The following WDR43 variants were observed in gnomAD, a reference collection of about 807,000 sequenced individuals.
WDR43 encodes WD repeat-containing protein 43.
WDR43 carries 13 observed loss-of-function variants against 91.4 expected under a neutral mutation model. The ratio of observed to expected loss-of-function variants is 0.14; its 90% CI spans 0.09 to 0.23. The LOEUF is 0.23. Among genes scored for constraint, WDR43 ranks in the 10% least tolerant of loss-of-function variants. The probability of loss-of-function intolerance (pLI) is 1.00; values close to 1 mark genes in which losing one functional copy is unlikely to be tolerated. For synonymous variants in WDR43, 331 were observed against 287.9 expected (o/e 1.15, Z -1.51); for missense variants, 780 against 809.4 (o/e 0.96, Z 0.44).
In WDR43 at chr2:28,917,948, G is replaced by A. The variant is rs1355068632; in HGVS notation, c.802G>A (p.Asp268Asn). 2 of 1,586,704 alleles carry A rather than the reference G, an allele frequency of 1.3e-6. No homozygotes were observed. Among genetic ancestry groups the A allele is most frequent in the Non-Finnish European group, 1.7e-6 (2 of 1,165,554 alleles). ...TGCAGTGATGTCATTTACAGTTACCGATGAACCTGTCTATATTGACTTAAC... is the reference window on the plus strand; with the variant it reads ...TGCAGTGATGTCATTTACAGTTACCAATGAACCTGTCTATATTGACTTAAC... ...KSAVMSFTVT[D>N]EPVYIDLTLS... The change falls in exon 6 of 18, where the codon GAT becomes AAT. Residue 268 changes from aspartate to asparagine, a missense_variant. Transcript: ENST00000407426.
In WDR43 at chr2:28,894,691, G is replaced by C. The variant is rs1185110353; in HGVS notation, c.-8G>C. On this transcript the variant is annotated 5_prime_UTR_variant, in exon 1 of 18. Coordinates refer to ENST00000407426, the MANE Select transcript of WDR43 (RefSeq NM_015131.3). ...CGAACACGTGGCTGCAGCGGGGCCA[G>C]AGCAGCAATGGCGGCGGGCGGCGGC... 3 of 1,557,050 alleles carry C rather than the reference G, an allele frequency of 1.9e-6. No individual in the cohort carries two copies. Among genetic ancestry groups the C allele is most frequent in the Non-Finnish European group, 2.6e-6 (3 of 1,150,786 alleles).
At chr2:28,911,193 A>C (rs1457683212) in intron 3 of WDR43, among the ~76,000 whole-genome samples, 1 of 151,706 alleles carries the variant, frequency 6.6e-6, no homozygotes, top group Admixed American at 6.6e-5. Context: ...ATTTTTTTGC[A>C]TGTGTGGCAT....
At chr2:28,922,510 G>T (rs1268093487) in intron 6 of WDR43, among the ~76,000 whole-genome samples, 1 of 152,156 alleles carries the variant, frequency 6.6e-6, no homozygotes, top group South Asian at 2.1e-4. Flanking sequence ...GACAGCTTAG[G>T]CCACTTACAT....
At chr2:28,915,458 C>A (rs1264023568) in intron 5 of WDR43, among the ~76,000 whole-genome samples, 3 of 152,130 alleles carry the variant, frequency 2.0e-5, no homozygotes, top group Non-Finnish European at 2.9e-5. Flanking sequence ...TTCCTCATAC[C>A]TAGGAGTCTC....
Position 28,906,505 on chromosome 2 carries a change from G to A in WDR43, c.409G>A (p.Asp137Asn), listed in dbSNP as rs375325000. ...AGTCAACTGCATACAGTGGCATCAA[G>A]ACAGTGGCTGTTTATATAGTTGTTC... ...NRVNCIQWHQDSGCLYSCSDD... is the reference protein window; with the variant it reads ...NRVNCIQWHQNSGCLYSCSDD... Residue 137 changes from aspartate (D) to asparagine (N), a missense_variant, in exon 3 of 18, where the codon GAC becomes AAC. This residue lies in a region of WDR43 where 174 missense variants were observed against 207.3 expected (regional missense o/e 0.84). Coordinates refer to ENST00000407426, the MANE Select transcript of WDR43 (RefSeq NM_015131.3). 9.4e-6 allele frequency: 15 copies of A among 1,595,968 alleles called. No individual in the cohort carries two copies. Among genetic ancestry groups the A allele is most frequent in the Non-Finnish European group, 1.2e-5 (14 of 1,171,374 alleles).
intron 6 of WDR43, among the ~76,000 whole-genome samples, chr2:28,921,590 T>A (rs12611829): frequency 1.3e-5 from 2 of 152,096 alleles, no homozygotes; most frequent in African/African-American, 4.8e-5. Flanking sequence ...CTTATTTTAT[T>A]CTCAAAAGTT....
At position 28,932,365 on chromosome 2, in the gene WDR43, G is replaced by A. The variant is rs567237761; in HGVS notation, c.1437+2655G>A. ...TTTAGTAGAGACAGGACTTCACTGC[G>A]TTTGCCAGGATGGTCTCAGACTCCT... On this transcript the variant is annotated intron_variant, in intron 11 of 17. Coordinates refer to ENST00000407426, the MANE Select transcript of WDR43 (RefSeq NM_015131.3). Among the ~76,000 whole-genome samples, 3 of 152,208 alleles carry A rather than the reference G, an allele frequency of 2.0e-5. No individual in the cohort carries two copies. In the South Asian group the frequency reaches 6.2e-4, roughly 32 times the overall value.
At chr2:28,910,134 G>A (rs1670762420) in intron 3 of WDR43, among the ~76,000 whole-genome samples, 1 of 152,162 alleles carries the variant, frequency 6.6e-6, no homozygotes, top group Non-Finnish European at 1.5e-5. Flanking sequence ...ATTCTCACAA[G>A]TTCCCAGATC....
chr2:28,923,770 A>G (rs1671080109), intron 7 of WDR43, among the ~76,000 whole-genome samples: 1 of 152,054 alleles, frequency 6.6e-6, no homozygotes, highest in South Asian at 2.1e-4. Flanking sequence ...TGAAGCTTTT[A>G]TTTATAGAAG....
intron 2 of WDR43, among the ~76,000 whole-genome samples, chr2:28,903,572 A>G (rs931990827): frequency 2.6e-5 from 4 of 152,230 alleles, no homozygotes; most frequent in Admixed American, 6.5e-5. Flanking sequence ...GATTACAAAA[A>G]TAATACTCAA....
intron 3 of WDR43, among the ~76,000 whole-genome samples, chr2:28,911,594 T>C (rs552495422): frequency 1.3e-4 from 19 of 144,670 alleles, no homozygotes; most frequent in Non-Finnish European, 2.4e-4. Flanking sequence ...GCGCCCAGCC[T>C]CTTAATAACC....
At chr2:28,922,738 A>G (rs563170188) in intron 6 of WDR43, among the ~76,000 whole-genome samples, 181 bp from the exon 7 acceptor site, 2 of 151,160 alleles carry the variant, frequency 1.3e-5, no homozygotes. Flanking sequence ...AATCTTGACA[A>G]CACCACCACT....
At chr2:28,913,113 G>C (rs6743535) in intron 4 of WDR43, among the ~76,000 whole-genome samples, 40,272 of 151,180 alleles carry the variant, frequency 0.27, 6,517 homozygotes, top group East Asian at 0.78. Flanking sequence ...GCCACCACGC[G>C]TGGCTAATTT....
At chr2:28,930,888 A>T (rs908471023) in intron 11 of WDR43, among the ~76,000 whole-genome samples, 3 of 152,226 alleles carry the variant, frequency 2.0e-5, no homozygotes, top group African/African-American at 7.2e-5. Flanking sequence ...TCCCCAAGTT[A>T]TGGTGAAGCA....
intron 1 of WDR43, among the ~76,000 whole-genome samples, chr2:28,896,063 C>T (rs773236892): frequency 5.9e-5 from 9 of 152,128 alleles, no homozygotes; most frequent in Non-Finnish European, 1.3e-4. Context: ...ATAAAATAAA[C>T]CTATCAGGGC....
At position 28,914,247 on chromosome 2, in the gene WDR43, G is replaced by C. The variant is rs748392569; in HGVS notation, c.746+39G>C. The C allele has an allele frequency of 2.5e-6, 4 of 1,590,100 alleles. 1 individual carries two copies. The African/African-American group carries it at 4.0e-5, about 16-fold the overall frequency. ...TTGGATTTGGGAGGTAGCATTGAAAGAATCTGTCAGAGCTTATGTAGTTAA... is the reference window on the plus strand; with the variant it reads ...TTGGATTTGGGAGGTAGCATTGAAACAATCTGTCAGAGCTTATGTAGTTAA... On this transcript the variant is annotated intron_variant, in intron 5 of 17. Coordinates refer to ENST00000407426, the MANE Select transcript of WDR43 (RefSeq NM_015131.3).
intron 16 of WDR43, among the ~76,000 whole-genome samples, chr2:28,942,776 C>T (rs893852218): frequency 5.3e-5 from 8 of 151,788 alleles, no homozygotes; most frequent in South Asian, 2.1e-4. Context: ...CCACCATGCC[C>T]GGCCAACTTT....
At chr2:28,917,854 A>G (rs531420193) in intron 5 of WDR43, 39 bp from the exon 6 acceptor site, 28 of 1,533,582 alleles carry the variant, frequency 1.8e-5, no homozygotes, top group Non-Finnish European at 2.4e-5. Context: ...AGAAAATTAA[A>G]TCTGTCTTGC....
intron 1 of WDR43, among the ~76,000 whole-genome samples, chr2:28,897,973 A>G (rs1260428987): frequency 6.6e-6 from 1 of 152,184 alleles, no homozygotes; most frequent in Non-Finnish European, 1.5e-5. Flanking sequence ...GAGGGACTCT[A>G]TCTAGATGGA....
Sources: allele counts gnomAD v4.1 joint callset (sites outside exome capture counted in the v4.1 genomes callset), GRCh38; gene constraint gnomAD v4.1.1; regional missense constraint gnomAD v4.1.1; transcripts MANE v1.5; gene names NCBI Gene and HGNC (gene_info 2026-07-23, HGNC 2026-07-21).